The following PPME1 variants were observed in gnomAD, a reference collection of about 807,000 sequenced individuals.
PPME1 encodes the protein protein phosphatase methylesterase 1, also known as testicular secretory protein Li 39.
In PPME1, 17 loss-of-function variants were observed where a neutral mutation model predicts 56.9. The observed-to-expected ratio is 0.30, with a 90% CI of 0.20 to 0.45. The LOEUF (loss-of-function observed/expected upper bound fraction) is 0.45, where lower values mean the gene tolerates loss of function less well. PPME1 is among the 20% of genes least tolerant of loss of function. The pLI, the probability that PPME1 is intolerant of heterozygous loss-of-function variation, is 1.00. For synonymous variants in PPME1, 122 were observed against 156.2 expected, an observed-to-expected ratio of 0.78 and a Z score of 1.63; for missense variants, 357 against 483.2, an observed-to-expected ratio of 0.74 and a Z score of 2.45.
intron 1 of PPME1, among the ~76,000 whole-genome samples, chr11:74,194,814 A>G (rs1256206836): frequency 6.6e-6 from 1 of 152,176 alleles, no homozygotes; most frequent in African/African-American, 2.4e-5. Context: ...CTTTCTCATG[A>G]AGCTGATGGA....
chr11:74,216,156 C>T (rs1858636143), intron 3 of PPME1, among the ~76,000 whole-genome samples: 1 of 152,264 alleles, frequency 6.6e-6, no homozygotes, highest in African/African-American at 2.4e-5. Context: ...TTAATAATTA[C>T]CTACAGAACA....
intron 1 of PPME1, among the ~76,000 whole-genome samples, chr11:74,187,872 C>T (rs1857727436): frequency 6.6e-6 from 1 of 152,130 alleles, no homozygotes; most frequent in African/African-American, 2.4e-5. Flanking sequence ...AATCAGCTGA[C>T]CTTAAAATAA....
intron 2 of PPME1, among the ~76,000 whole-genome samples, chr11:74,204,145 A>G (rs1858255981): frequency 7.1e-6 from 1 of 141,612 alleles, no homozygotes; most frequent in African/African-American, 3.1e-5. Context: ...GGGCAAAGGG[A>G]ATTTTTTTTT....
chr11:74,229,407 G>T (rs1215233898), intron 5 of PPME1, among the ~76,000 whole-genome samples: 1 of 152,068 alleles, frequency 6.6e-6, no homozygotes, highest in Non-Finnish European at 1.5e-5. Context: ...TCCACCTATT[G>T]CTATAGCAAG....
intron 1 of PPME1, among the ~76,000 whole-genome samples, chr11:74,189,454 A>G (rs531995553): frequency 2.6e-5 from 4 of 151,856 alleles, no homozygotes; most frequent in East Asian, 1.9e-4. Flanking sequence ...CGTGCCCCCT[A>G]ATTTTTGTAT....
chr11:74,201,017 C>T (rs909253110), intron 1 of PPME1, among the ~76,000 whole-genome samples: 1 of 151,634 alleles, frequency 6.6e-6, no homozygotes, highest in African/African-American at 2.4e-5. Context: ...GCTCTGTAAC[C>T]CAAGCTGGAG....
rs1019778710 is a variant in PPME1 at position 74,231,101 on chromosome 11, A to G, written c.644+99A>G. Reference sequence around the variant, plus strand: ...GAGACAAGGCCTCACTCTGTCACCCAGGCTGGAGTGCAGTGGCATGATCCT... The same window carrying G: ...GAGACAAGGCCTCACTCTGTCACCCGGGCTGGAGTGCAGTGGCATGATCCT... On this transcript the variant is annotated intron_variant, in intron 7 of 13. Coordinates refer to ENST00000328257, the MANE Select transcript of PPME1 (RefSeq NM_016147.3). The G allele has an allele frequency of 6.8e-6, 7 of 1,023,320 alleles. No homozygotes were observed. In the Admixed American group the frequency reaches 1.2e-4, roughly 18 times the overall value. 63.4% of individuals were successfully genotyped at this position (1,023,320 alleles called of 1,614,324 possible).
intron 3 of PPME1, among the ~76,000 whole-genome samples, chr11:74,206,463 A>T (rs1858328897): frequency 6.6e-6 from 1 of 152,258 alleles, no homozygotes; most frequent in African/African-American, 2.4e-5. Flanking sequence ...AATCAAGATT[A>T]GAATACTTTA....
At chr11:74,178,338 A>C (rs1857449639) in intron 1 of PPME1, among the ~76,000 whole-genome samples, 1 of 152,152 alleles carries the variant, frequency 6.6e-6, no homozygotes, top group South Asian at 2.1e-4. Context: ...TATTGTCCAG[A>C]ACTGTTCACA....
intron 4 of PPME1, chr11:74,222,582 G>A: frequency 2.0e-6 from 1 of 488,260 alleles, no homozygotes; most frequent in Non-Finnish European, 3.7e-6. Context: ...TCTGCCTCCT[G>A]GGTTCAAGCA....
intron 3 of PPME1, among the ~76,000 whole-genome samples, chr11:74,216,318 A>G (rs1858640996): frequency 6.6e-6 from 1 of 152,220 alleles, no homozygotes; most frequent in South Asian, 2.1e-4. Context: ...ATGAAATAAA[A>G]CTAGTAATCA....
intron 3 of PPME1, among the ~76,000 whole-genome samples, chr11:74,214,253 T>C (rs535095322): frequency 6.6e-6 from 1 of 152,274 alleles, no homozygotes; most frequent in South Asian, 2.1e-4. Context: ...AAGAATTAGC[T>C]TGAAGACAGG....
At chr11:74,223,232 G>A (rs2135650741) in intron 4 of PPME1, among the ~76,000 whole-genome samples, 1 of 151,846 alleles carries the variant, frequency 6.6e-6, no homozygotes, top group Non-Finnish European at 1.5e-5. Context: ...TGAGAATGAT[G>A]ATTTCCAATT....
chr11:74,236,006 A>G (rs776873302), intron 8 of PPME1, 40 bp downstream of exon 8: 20 of 1,600,054 alleles, frequency 1.2e-5, no homozygotes. Context: ...TTAGAGGCGG[A>G]AACATGGTGA....
Position 74,230,435 on chromosome 11 carries a change from A to G in PPME1, c.553+36A>G. On this transcript the variant is annotated intron_variant, in intron 6 of 13. Coordinates refer to ENST00000328257, the MANE Select transcript of PPME1 (RefSeq NM_016147.3). This position sits in a 1 kb window ranked among gnomAD's most constrained non-coding sequence, Gnocchi z 4.9. ...TTAGCACTGACCAAATCAGGATTTCACTTATAAGAGACATCCTTGGTAGAT... is the reference window on the plus strand; with the variant it reads ...TTAGCACTGACCAAATCAGGATTTCGCTTATAAGAGACATCCTTGGTAGAT... The G allele has an allele frequency of 1.2e-6, 2 of 1,602,606 alleles. No individual in the cohort carries two copies. The highest frequency in any genetic ancestry group is 1.7e-6 in the Non-Finnish European group (2 of 1,171,376).
chr11:74,206,748 G>C (rs1035158596), intron 3 of PPME1, among the ~76,000 whole-genome samples: 9 of 151,904 alleles, frequency 5.9e-5, no homozygotes, highest in Non-Finnish European at 1.3e-4. Context: ...TAATTTTTTT[G>C]TAGAGACAGG....
intron 8 of PPME1, 173 bp from the exon 9 acceptor site, chr11:74,238,960 A>G: frequency 1.6e-6 from 1 of 628,664 alleles, no homozygotes; most frequent in Non-Finnish European, 2.7e-6. Context: ...GAATAGTTAT[A>G]CATTGGCCAT....
intron 3 of PPME1, among the ~76,000 whole-genome samples, chr11:74,213,218 G>T (rs1858527668): frequency 2.0e-5 from 3 of 152,194 alleles, no homozygotes. Context: ...ATGGGCCTGG[G>T]GTAGTTGTAG....
chr11:74,222,703 G>C lies in PPME1; in HGVS notation c.346+334G>C, dbSNP rs191412024. 373 of 306,912 alleles carry C rather than the reference G, an allele frequency of 1.2e-3. 4 individuals carry two copies. The highest frequency in any genetic ancestry group is 0.012 in the Admixed American group (278 of 23,004). 19.0% of individuals were successfully genotyped at this position (306,912 alleles called of 1,614,324 possible). On this transcript the variant is annotated intron_variant, in intron 4 of 13. Transcript: ENST00000328257. ...CGGGTTTCACCATGTTGGCCAGGCTGATATCAAACTCTTGACCTCAAGTGA... is the reference window on the plus strand; with the variant it reads ...CGGGTTTCACCATGTTGGCCAGGCTCATATCAAACTCTTGACCTCAAGTGA...
Sources: gnomAD v4.1 joint callset for allele counts (sites outside exome capture counted in the v4.1 genomes callset) on GRCh38, gnomAD v4.1.1 for gene constraint, Gnocchi (gnomAD v3.1) non-coding constraint, MANE v1.5 for transcripts, NCBI Gene and HGNC (gene_info 2026-07-23, HGNC 2026-07-21) for gene names.